The following FRMD4B variants were observed in gnomAD, a reference collection of about 807,000 sequenced individuals.
FRMD4B encodes FERM domain-containing protein 4B.
In FRMD4B, 74 loss-of-function variants were observed where a neutral mutation model predicts 141.5. That is an observed-to-expected ratio of 0.52 (90% CI 0.43 to 0.63). The LOEUF (loss-of-function observed/expected upper bound fraction) is 0.63, where lower values mean the gene tolerates loss of function less well. FRMD4B is among the 30% of genes least tolerant of loss of function. FRMD4B has a pLI of 0.00. For missense variants in FRMD4B, 1,366 were observed against 1,253.4 expected, an observed-to-expected ratio of 1.09 and a Z score of -1.36; for synonymous variants, 506 against 467.9, an observed-to-expected ratio of 1.08 and a Z score of -1.05.
chr3:69,333,794 C>T (rs576121599), intron 1 of FRMD4B, among the ~76,000 whole-genome samples: 1 of 152,200 alleles, frequency 6.6e-6, no homozygotes, highest in African/African-American at 2.4e-5. Context: ...TTTTGAGCAC[C>T]TACTCTGTGC....
intron 1 of FRMD4B, among the ~76,000 whole-genome samples, chr3:69,484,751 G>C (rs1706185603): frequency 6.6e-6 from 1 of 151,992 alleles, no homozygotes; most frequent in East Asian, 1.9e-4. Context: ...ACTCCTCTCT[G>C]CAGCTGGTCC....
intron 5 of FRMD4B, among the ~76,000 whole-genome samples, chr3:69,264,772 C>CA (rs765230949): frequency 5.9e-5 from 9 of 152,036 alleles, no homozygotes; most frequent in East Asian, 5.8e-4. Context: ...AAAGACATTA[C>CA]AAAAAAACAA....
intron 11 of FRMD4B, among the ~76,000 whole-genome samples, chr3:69,200,045 T>A (rs1045876698): frequency 3.3e-5 from 5 of 152,190 alleles, no homozygotes; most frequent in African/African-American, 7.2e-5. Flanking sequence ...GTTCAAAGAA[T>A]CTTAAAAGAT....
intron 1 of FRMD4B, among the ~76,000 whole-genome samples, chr3:69,475,720 C>A (rs148652431): frequency 6.6e-6 from 1 of 151,534 alleles, no homozygotes; most frequent in East Asian, 1.9e-4. Flanking sequence ...GGGTATATAC[C>A]CAGTAATGGG....
chr3:69,534,944 T>C (rs1023531795), intron 1 of FRMD4B, among the ~76,000 whole-genome samples: 2 of 151,408 alleles, frequency 1.3e-5, no homozygotes, highest in African/African-American at 4.9e-5. Context: ...ATATGAATTA[T>C]TATTTTTTCC....
intron 1 of FRMD4B, among the ~76,000 whole-genome samples, chr3:69,474,842 A>G (rs577305306): frequency 1.3e-5 from 2 of 152,232 alleles, no homozygotes; most frequent in East Asian, 3.9e-4. Context: ...CTGTTTAACA[A>G]CCCCTTAAAC....
chr3:69,477,299 G>A (rs1413163082), intron 1 of FRMD4B, among the ~76,000 whole-genome samples: 1 of 148,450 alleles, frequency 6.7e-6, no homozygotes, highest in African/African-American at 2.6e-5. Context: ...CAAAGGGAAT[G>A]CTTCCAGTTT....
At chr3:69,491,974 C>A (rs1706306720) in intron 1 of FRMD4B, among the ~76,000 whole-genome samples, 1 of 152,160 alleles carries the variant, frequency 6.6e-6, no homozygotes, top group South Asian at 2.1e-4. Flanking sequence ...CCTCCTCTTC[C>A]CCCTCCTCCG....
At chr3:69,203,848 T>C (rs2092996311) in intron 11 of FRMD4B, among the ~76,000 whole-genome samples, 1 of 152,188 alleles carries the variant, frequency 6.6e-6, no homozygotes, top group Admixed American at 6.5e-5. Flanking sequence ...TGGAGGGCAG[T>C]CACTTAATAG....
intron 2 of FRMD4B, among the ~76,000 whole-genome samples, chr3:69,424,961 C>A (rs996938699): frequency 6.6e-6 from 1 of 152,144 alleles, no homozygotes; most frequent in African/African-American, 2.4e-5. Context: ...ACTATAACAG[C>A]CTTTTATTTC....
chr3:69,540,263 A>C (rs969119761), intron 1 of FRMD4B, among the ~76,000 whole-genome samples: 1 of 152,164 alleles, frequency 6.6e-6, no homozygotes, highest in African/African-American at 2.4e-5. Flanking sequence ...AGACAAAAAT[A>C]TATACAGAGT....
chr3:69,515,034 G>C (rs1053934452), intron 1 of FRMD4B, among the ~76,000 whole-genome samples: 15 of 152,214 alleles, frequency 9.9e-5, no homozygotes, highest in African/African-American at 3.6e-4. Context: ...CAATGGGATA[G>C]AGTAGAGGTC....
chr3:69,339,527 C>T (rs1393897449), intron 1 of FRMD4B, among the ~76,000 whole-genome samples: 1 of 152,096 alleles, frequency 6.6e-6, no homozygotes, highest in East Asian at 1.9e-4. Flanking sequence ...TGGCACTCAG[C>T]GTTAGCCATG....
At position 69,375,465 on chromosome 3, in the gene FRMD4B, T is replaced by C. The variant is rs1396108864; in HGVS notation, c.162+10363A>G. 7.2e-5 allele frequency among the ~76,000 whole-genome samples: 8 copies of C among 111,190 alleles called. No individual in the cohort carries two copies. In the South Asian group the frequency reaches 1.3e-3, roughly 18 times the overall value. 72.9% of individuals were successfully genotyped at this position (111,190 alleles called of 152,430 possible). A position where few individuals can be genotyped will look rare whatever the true frequency, so the allele number is the denominator to read the frequency against. On this transcript the variant is annotated intron_variant, in intron 1 of 22. Transcript: ENST00000398540. ...TAACTCTTTGATGTAGGCACTATAA[T>C]TGTCCACATTTTACAGCAGAAAAAA... is the stretch of plus-strand genomic sequence containing the variant.
chr3:69,410,689 A>G (rs1704738446), intron 2 of FRMD4B, among the ~76,000 whole-genome samples: 1 of 134,808 alleles, frequency 7.4e-6, no homozygotes, highest in South Asian at 2.4e-4. Context: ...TTATGGAACA[A>G]GGGAAAAAAA....
intron 5 of FRMD4B, among the ~76,000 whole-genome samples, chr3:69,275,724 C>T (rs947223949): frequency 2.0e-5 from 3 of 151,942 alleles, no homozygotes; most frequent in Non-Finnish European, 4.4e-5. Flanking sequence ...ATCTACCATG[C>T]CCAGCCATTT....
At chr3:69,434,875 C>T (rs1575801635) in intron 1 of FRMD4B, among the ~76,000 whole-genome samples, 1 of 152,296 alleles carries the variant, frequency 6.6e-6, no homozygotes, top group South Asian at 2.1e-4. Flanking sequence ...AATGTATGTT[C>T]TCACATTTCT....
chr3:69,498,356 T>C (rs1415729168), intron 1 of FRMD4B, among the ~76,000 whole-genome samples: 2 of 152,220 alleles, frequency 1.3e-5, no homozygotes, highest in Non-Finnish European at 2.9e-5. Flanking sequence ...CAAGAATATT[T>C]GTTAGGGCAA....
intron 7 of FRMD4B, among the ~76,000 whole-genome samples, chr3:69,245,664 C>CTT (rs71115668): frequency 3.5e-4 from 36 of 102,472 alleles, no homozygotes; most frequent in Admixed American, 4.1e-4. Flanking sequence ...ATTTTCTTTT[C>CTT]TTTTTTTTTT....
Sources: allele counts gnomAD v4.1 joint callset (sites outside exome capture counted in the v4.1 genomes callset), GRCh38; gene constraint gnomAD v4.1.1; transcripts MANE v1.5; gene names NCBI Gene and HGNC (gene_info 2026-07-23, HGNC 2026-07-21).